Variants in PCDHGA1 observed in about 807,000 individuals in gnomAD.
PCDHGA1 encodes protocadherin gamma-A1.
PCDHGA1 carries 32 observed loss-of-function variants against 58.0 expected under a neutral mutation model. The observed-to-expected ratio is 0.55, with a 90% CI of 0.42 to 0.74. The LOEUF is 0.74. Among genes scored for constraint, PCDHGA1 ranks in the 30% least tolerant of loss-of-function variants. The pLI is 0.00. For missense variants in PCDHGA1, 1,205 were observed against 1,182.3 expected, an observed-to-expected ratio of 1.02 and a Z score of -0.28; for synonymous variants, 498 against 501.1, an observed-to-expected ratio of 0.99 and a Z score of 0.08.
chr5:141,355,330 G>A (rs1759801275), intron 1 of PCDHGA1: 2 of 1,614,036 alleles, frequency 1.2e-6, no homozygotes, highest in Non-Finnish European at 1.7e-6. Flanking sequence ...AGAAGGCTCA[G>A]TGGTGGGCAA....
chr5:141,356,894 C>T (rs777988497), intron 1 of PCDHGA1: 1 of 1,614,096 alleles, frequency 6.2e-7, no homozygotes, highest in African/African-American at 1.3e-5. Flanking sequence ...ATCCTGTACC[C>T]CACCTTCCCT....
chr5:141,333,165 A>ACTAG, intron 1 of PCDHGA1, 60 bp downstream of exon 1: 1 of 1,609,164 alleles, frequency 6.2e-7, no homozygotes, highest in Non-Finnish European at 8.5e-7. Context: ...GATTTAACTT[A>ACTAG]CTAGCGTTCG....
At chr5:141,341,253 C>A (rs566687277) in intron 1 of PCDHGA1, 3 of 1,614,218 alleles carry the variant, frequency 1.9e-6, no homozygotes, top group South Asian at 2.2e-5. Context: ...TCCCTCACTG[C>A]GGACTCGCGG....
intron 1 of PCDHGA1, chr5:141,392,681 G>T: frequency 1.9e-6 from 2 of 1,026,496 alleles, no homozygotes; most frequent in Non-Finnish European, 2.7e-6. Flanking sequence ...CTGGACTGCA[G>T]CGAAACCCGA....
intron 1 of PCDHGA1, chr5:141,350,114 C>T: frequency 1.8e-6 from 1 of 569,488 alleles, no homozygotes; most frequent in Non-Finnish European, 2.7e-6. Context: ...CCTGCTTTGT[C>T]CGGTGCACTG....
At chr5:141,350,694 C>G (rs1466835442) in intron 1 of PCDHGA1, 1 of 1,613,888 alleles carries the variant, frequency 6.2e-7, no homozygotes, top group Non-Finnish European at 8.5e-7. Flanking sequence ...TCAGCCTTAC[C>G]CGGGGTAAAA....
chr5:141,406,532 G>A (rs58503510), intron 1 of PCDHGA1, among the ~76,000 whole-genome samples: 16,962 of 152,088 alleles, frequency 0.11, 1,106 homozygotes, highest in African/African-American at 0.18. Context: ...ATTTTCTGAC[G>A]AAGATTCAAA....
chr5:141,501,945 T>G (rs1318749969), intron 2 of PCDHGA1, among the ~76,000 whole-genome samples: 5 of 152,106 alleles, frequency 3.3e-5, no homozygotes, highest in African/African-American at 1.2e-4. Context: ...CACTGCTCCC[T>G]GTGACAGGTC....
chr5:141,331,547 T>C lies in PCDHGA1; in HGVS notation c.863T>C (p.Val288Ala), dbSNP rs1185404534. Residue 288 changes from valine to alanine, a missense_variant, in exon 1 of 4, where the codon GTG becomes GCG. Transcript: ENST00000517417. ...TCCTTTCACAATGTAGACCACAGAGTGGCCCAAATATTTCGTTTAGATTCT... is the reference window on the plus strand; with the variant it reads ...TCCTTTCACAATGTAGACCACAGAGCGGCCCAAATATTTCGTTTAGATTCT... Reference protein sequence around the residue: ...TYSFHNVDHRVAQIFRLDSYT... With the variant: ...TYSFHNVDHRAAQIFRLDSYT... The C allele has an allele frequency of 1.9e-6, 3 of 1,613,748 alleles. No individual in the cohort carries two copies. The highest frequency in any genetic ancestry group is 2.5e-6 in the Non-Finnish European group (3 of 1,180,004).
intron 1 of PCDHGA1, among the ~76,000 whole-genome samples, chr5:141,386,518 A>C (rs2090605382): frequency 0.01 from 1 of 96 alleles, no homozygotes; most frequent in Non-Finnish European, 0.017. Flanking sequence ...TCTTCAAAAA[A>C]AGACTCTTTT....
rs1289890545 is a variant in PCDHGA1, at chr5:141,414,874, C to T, written c.2422-79933C>T. ...CCAGAACGACAATGCGCCCGAGATC[C>T]TGTACCCCGCCCTCCCCACAGACGG... is the stretch of plus-strand genomic sequence containing the variant. On this transcript the variant is annotated intron_variant, in intron 1 of 3. Transcript: ENST00000517417. 3.7e-6 allele frequency: 6 copies of T among 1,614,136 alleles called. No individual in the cohort carries two copies. The African/African-American group carries it at 8.0e-5, about 22-fold the overall frequency.
chr5:141,494,712 C>T, intron 1 of PCDHGA1, 95 bp from the exon 2 acceptor site: 1 of 1,603,048 alleles, frequency 6.2e-7, no homozygotes, highest in Non-Finnish European at 8.5e-7. Context: ...TCTGTGCCCA[C>T]TCCCCTCCTT....
rs1369956811 is a variant in PCDHGA1, at chr5:141,460,759, A to G, written c.2422-34048A>G. Among the ~76,000 whole-genome samples, 3 of 152,088 alleles carry G rather than the reference A, an allele frequency of 2.0e-5. No individual in the cohort carries two copies. In the East Asian group the frequency reaches 5.8e-4, roughly 29 times the overall value. On this transcript the variant is annotated intron_variant, in intron 1 of 3. Coordinates refer to ENST00000517417, the MANE Select transcript of PCDHGA1 (RefSeq NM_018912.3). ...ATTGTATATATATGTGTACATATAC[A>G]TATTGCATATGTATGTATACATATA...
At chr5:141,498,971 G>GGGAGGGAAGGAAGGAA (rs2099787588) in intron 2 of PCDHGA1, among the ~76,000 whole-genome samples, 1 of 110,970 alleles carries the variant, frequency 9.0e-6, no homozygotes, top group African/African-American at 3.6e-5. Flanking sequence ...GAGGGAGGGA[G>GGGAGGGAAGGAAGGAA]GGAAGGAAGG....
intron 1 of PCDHGA1, chr5:141,390,163 C>CG (rs780815400): frequency 1.2e-6 from 2 of 1,613,992 alleles, no homozygotes; most frequent in Admixed American, 1.7e-5. Context: ...ACAGGAAAGA[C>CG]GGAGTTTAAT....
intron 1 of PCDHGA1, chr5:141,345,527 G>A (rs746508095): frequency 2.7e-5 from 43 of 1,614,120 alleles, no homozygotes; most frequent in Non-Finnish European, 3.6e-5. Context: ...CTCTCCAGGG[G>A]GCGCCCCTGT....
Position 141,346,291 on chromosome 5 carries a change from A to T in PCDHGA1, c.2421+13186A>T. On this transcript the variant is annotated intron_variant, in intron 1 of 3. Transcript: ENST00000517417. ...GGGGTTCGGGCTTTCCTGCAGACCT[A>T]TTCCCACGAGGTCTCCCTCACTGCG... The T allele has an allele frequency of 6.2e-7, 1 of 1,614,148 alleles. No homozygotes were observed. Among genetic ancestry groups the T allele is most frequent in the Non-Finnish European group, 8.5e-7 (1 of 1,180,010 alleles).
chr5:141,430,910 G>A lies in PCDHGA1; in HGVS notation c.2422-63897G>A. The A allele has an allele frequency of 6.2e-7, 1 of 1,608,040 alleles. No homozygotes were observed. The highest frequency in any genetic ancestry group is 8.5e-7 in the Non-Finnish European group (1 of 1,177,584). On this transcript the variant is annotated intron_variant, in intron 1 of 3. Coordinates refer to ENST00000517417, the MANE Select transcript of PCDHGA1 (RefSeq NM_018912.3). ...CTCTAGGGTGGGCGACATCTCCAGG[G>A]ACCTGGGGCTGGAGCCCCGGGAGCT...
intron 1 of PCDHGA1, among the ~76,000 whole-genome samples, chr5:141,492,435 C>T (rs191116850): frequency 8.5e-5 from 13 of 152,348 alleles, no homozygotes; most frequent in Admixed American, 8.5e-4. Context: ...CTCAGGAGTA[C>T]TCGTAGCTGA....
Sources: gnomAD v4.1 joint callset for allele counts (sites outside exome capture counted in the v4.1 genomes callset) on GRCh38, gnomAD v4.1.1 for gene constraint, MANE v1.5 for transcripts, NCBI Gene and HGNC (gene_info 2026-07-23, HGNC 2026-07-21) for gene names.